Variants in ZDHHC17 observed in about 807,000 individuals in gnomAD.
The protein encoded by ZDHHC17 is zDHHC palmitoyltransferase 17.
Under a neutral mutation model 90.3 loss-of-function variants are expected in ZDHHC17, and 40 were observed. The observed-to-expected ratio is 0.44, with a 90% CI of 0.34 to 0.58. The LOEUF (loss-of-function observed/expected upper bound fraction) is 0.58, where lower values mean the gene tolerates loss of function less well. Among genes scored for constraint, ZDHHC17 ranks in the 20% least tolerant of loss-of-function variants. The pLI, the probability that ZDHHC17 is intolerant of heterozygous loss-of-function variation, is 0.01. For synonymous variants in ZDHHC17, 235 were observed against 252.4 expected, an observed-to-expected ratio of 0.93 and a Z score of 0.65; for missense variants, 614 against 780.8, an observed-to-expected ratio of 0.79 and a Z score of 2.55.
chr12:76,794,497 A>G (rs533018117), intron 1 of ZDHHC17, among the ~76,000 whole-genome samples: 1 of 152,294 alleles, frequency 6.6e-6, no homozygotes, highest in South Asian at 2.1e-4. Flanking sequence ...GTAATAAAGC[A>G]GGTTGGAGAT....
Position 76,845,698 on chromosome 12 carries a change from C to A in ZDHHC17, c.1330-11C>A, listed in dbSNP as rs770150917. 7.9e-6 allele frequency: 12 copies of A among 1,525,108 alleles called. No homozygotes were observed. The African/African-American group carries it at 9.6e-5, about 12-fold the overall frequency. The allele number at this position is 1,525,108 out of a possible 1,614,324, so 94.5% of individuals were successfully genotyped here. On this transcript the variant is annotated splice_polypyrimidine_tract_variant and intron_variant, in intron 12 of 16. Coordinates refer to ENST00000426126, the MANE Select transcript of ZDHHC17 (RefSeq NM_015336.4). ...ATGCCTTTCATAATCCTTTAACATG[C>A]CTATTAACAGATACGAAAACCGGTG...
intron 1 of ZDHHC17, among the ~76,000 whole-genome samples, chr12:76,774,810 T>C (rs1364075910): frequency 4.6e-5 from 7 of 152,240 alleles, no homozygotes; most frequent in Non-Finnish European, 8.8e-5. Context: ...TGTATTTTAA[T>C]ATCTCTGAAA....
chr12:76,801,085 A>G (rs527730478), intron 2 of ZDHHC17, among the ~76,000 whole-genome samples: 129 of 150,750 alleles, frequency 8.6e-4, no homozygotes, highest in Non-Finnish European at 1.5e-3. Flanking sequence ...ACGGGGTTTC[A>G]CCATGTTGGT....
chr12:76,786,269 AT>A (rs1484289618), intron 1 of ZDHHC17, among the ~76,000 whole-genome samples: 2 of 151,320 alleles, frequency 1.3e-5, no homozygotes, highest in African/African-American at 2.4e-5. Flanking sequence ...AGCCTGGCTA[AT>A]TTTTTTTATT....
chr12:76,834,900 T>G (rs1953345686), intron 10 of ZDHHC17, among the ~76,000 whole-genome samples: 2 of 152,112 alleles, frequency 1.3e-5, no homozygotes, highest in Non-Finnish European at 1.5e-5. Context: ...CTGTATAATC[T>G]AATTACTGTA....
chr12:76,789,515 A>G (rs1952734297), intron 1 of ZDHHC17, among the ~76,000 whole-genome samples: 1 of 152,228 alleles, frequency 6.6e-6, no homozygotes, highest in Non-Finnish European at 1.5e-5. Flanking sequence ...TGGTATATGC[A>G]GTGGTATATA....
At position 76,801,335 on chromosome 12, in the gene ZDHHC17, G is replaced by A. The variant is rs1301493305; in HGVS notation, c.197+3798G>A. ...ATGTCCTATAGCTACTTTTCTTTGC[G>A]GATACTATGGATATTACATTTAACA... is the stretch of plus-strand genomic sequence containing the variant. On this transcript the variant is annotated intron_variant, in intron 2 of 16. Coordinates refer to ENST00000426126, the MANE Select transcript of ZDHHC17 (RefSeq NM_015336.4). Among the ~76,000 whole-genome samples the A allele has an allele frequency of 9.3e-5, 14 of 150,412 alleles. No homozygotes were observed. The East Asian group carries it at 1.8e-3, about 19-fold the overall frequency.
chr12:76,790,394 C>G (rs1290393772), intron 1 of ZDHHC17, among the ~76,000 whole-genome samples: 1 of 152,078 alleles, frequency 6.6e-6, no homozygotes, highest in Non-Finnish European at 1.5e-5. Flanking sequence ...CCCAGCTACC[C>G]TGGAGACTGA....
At chr12:76,786,858 T>G (rs1952693833) in intron 1 of ZDHHC17, among the ~76,000 whole-genome samples, 1 of 152,246 alleles carries the variant, frequency 6.6e-6, no homozygotes, top group Non-Finnish European at 1.5e-5. Flanking sequence ...AACTCCCTGA[T>G]TGATCTCCGT....
intron 8 of ZDHHC17, among the ~76,000 whole-genome samples, chr12:76,824,083 T>C (rs1953199530): frequency 1.3e-5 from 2 of 152,078 alleles, no homozygotes; most frequent in South Asian, 2.1e-4. Flanking sequence ...TTTTATTTTA[T>C]ATATGTATAT....
intron 1 of ZDHHC17, among the ~76,000 whole-genome samples, chr12:76,795,248 G>C (rs1183966006): frequency 6.7e-6 from 1 of 149,796 alleles, no homozygotes; most frequent in East Asian, 1.9e-4. Context: ...GTGTTTTGTT[G>C]CATTGGTTTT....
chr12:76,808,982 A>G, intron 3 of ZDHHC17, 61 bp from the exon 4 acceptor site: 1 of 1,161,056 alleles, frequency 8.6e-7, no homozygotes, highest in Non-Finnish European at 1.2e-6. Flanking sequence ...CATATTTTTC[A>G]CAAAATTTCT....
intron 1 of ZDHHC17, among the ~76,000 whole-genome samples, chr12:76,777,116 C>G (rs1952568245): frequency 7.3e-6 from 1 of 137,776 alleles, no homozygotes; most frequent in South Asian, 2.4e-4. Flanking sequence ...TTGGTACAGT[C>G]AAGATACAGC....
intron 9 of ZDHHC17, 132 bp from the exon 10 acceptor site, chr12:76,828,258 G>T: frequency 1.5e-6 from 1 of 654,198 alleles, no homozygotes; most frequent in East Asian, 3.1e-5. Flanking sequence ...ATGAAAAATT[G>T]AGCATCCTGA....
intron 1 of ZDHHC17, among the ~76,000 whole-genome samples, chr12:76,786,036 A>C (rs1952680735): frequency 6.6e-6 from 1 of 152,190 alleles, no homozygotes; most frequent in Non-Finnish European, 1.5e-5. Context: ...TTGAGAAAAG[A>C]AGCATTGCGA....
At chr12:76,807,074 G>A (rs1952964034) in intron 3 of ZDHHC17, among the ~76,000 whole-genome samples, 1 of 152,148 alleles carries the variant, frequency 6.6e-6, no homozygotes, top group African/African-American at 2.4e-5. Context: ...GTCAGAAATT[G>A]CCATCATATA....
At chr12:76,784,180 T>A (rs867679696) in intron 1 of ZDHHC17, among the ~76,000 whole-genome samples, 2 of 152,218 alleles carry the variant, frequency 1.3e-5, no homozygotes, top group Non-Finnish European at 2.9e-5. Flanking sequence ...ATGGGTATTA[T>A]GAAAAAACTA....
chr12:76,816,745 T>C (rs1206426994), intron 7 of ZDHHC17, among the ~76,000 whole-genome samples: 1 of 152,046 alleles, frequency 6.6e-6, no homozygotes, highest in Non-Finnish European at 1.5e-5. Flanking sequence ...TTGATTCAGT[T>C]ACTTTAAGAG....
intron 1 of ZDHHC17, among the ~76,000 whole-genome samples, chr12:76,791,672 A>T (rs1952761223): frequency 6.6e-6 from 1 of 152,118 alleles, no homozygotes; most frequent in South Asian, 2.1e-4. Context: ...TATACTATAC[A>T]TCTGGGATTA....
Sources: allele counts gnomAD v4.1 joint callset (sites outside exome capture counted in the v4.1 genomes callset), GRCh38; gene constraint gnomAD v4.1.1; transcripts MANE v1.5; gene names NCBI Gene and HGNC (gene_info 2026-07-23, HGNC 2026-07-21).